PXDNL: variants seen among roughly 807,000 people sequenced by gnomAD.
PXDNL encodes the protein peroxidasin like.
Under a neutral mutation model 150.8 loss-of-function variants are expected in PXDNL, and 145 were observed. The ratio of observed to expected loss-of-function variants is 0.96; its 90% CI spans 0.84 to 1.10. The LOEUF is 1.10. PXDNL is among the 50% of genes least tolerant of loss of function. The probability of loss-of-function intolerance (pLI) is 0.00; values close to 1 mark genes in which losing one functional copy is unlikely to be tolerated. For missense variants in PXDNL, 2,087 were observed against 1,873.9 expected, an observed-to-expected ratio of 1.11 and a Z score of -2.10; for synonymous variants, 757 against 725.7, an observed-to-expected ratio of 1.04 and a Z score of -0.69.
At chr8:51,752,987 G>T (rs1266801735) in intron 1 of PXDNL, among the ~76,000 whole-genome samples, 1 of 152,230 alleles carries the variant, frequency 6.6e-6, no homozygotes, top group Non-Finnish European at 1.5e-5. Flanking sequence ...CCTGGGGAAA[G>T]GCTTCGTGGC....
intron 5 of PXDNL, among the ~76,000 whole-genome samples, chr8:51,488,274 T>C (rs1223364327): frequency 6.6e-6 from 1 of 151,938 alleles, no homozygotes; most frequent in Non-Finnish European, 1.5e-5. Context: ...ACAGATGAAA[T>C]AGGAGAGAAA....
intron 1 of PXDNL, among the ~76,000 whole-genome samples, chr8:51,663,665 A>G (rs774845257): frequency 6.6e-6 from 1 of 152,174 alleles, no homozygotes; most frequent in Non-Finnish European, 1.5e-5. Flanking sequence ...AAACCTGGAT[A>G]GAAAGTCCCT....
chr8:51,677,800 A>G (rs984137176), intron 1 of PXDNL, among the ~76,000 whole-genome samples: 2 of 152,238 alleles, frequency 1.3e-5, no homozygotes, highest in Non-Finnish European at 2.9e-5. Context: ...AAAGCACACT[A>G]ATTTATTTAT....
intron 1 of PXDNL, among the ~76,000 whole-genome samples, chr8:51,662,008 A>G (rs1161445046): frequency 5.3e-5 from 8 of 151,250 alleles, no homozygotes; most frequent in Non-Finnish European, 3.0e-5. Flanking sequence ...TTGCTCCTCA[A>G]TGAAATTCCC....
rs753248732 is a variant in PXDNL, at chr8:51,408,553, TC to T, written c.3070del (p.Asp1024ThrfsTer7). On this transcript the variant is annotated frameshift_variant, in exon 17 of 23. Coordinates refer to ENST00000356297, the MANE Select transcript of PXDNL (RefSeq NM_144651.5). LOFTEE classifies it high-confidence loss of function. ...ACCCCTCAGCATCCTAGTGCCAGGG[TC>T]CCCCAGGACCTTAGGCAGCCAGTGG... ...YSHWLPKVLG[D>X]PGTRMLRGYR... 1.1e-5 allele frequency: 17 copies of T among 1,612,984 alleles called. No homozygotes were observed. The East Asian group carries it at 2.5e-4, about 23-fold the overall frequency.
intron 17 of PXDNL, among the ~76,000 whole-genome samples, chr8:51,398,362 C>T (rs989240466): frequency 2.6e-5 from 4 of 152,140 alleles, no homozygotes; most frequent in Non-Finnish European, 5.9e-5. Flanking sequence ...TACCTTGGGG[C>T]CCCCCACAGT....
chr8:51,391,209 CGT>C (rs1807896736), intron 17 of PXDNL, among the ~76,000 whole-genome samples: 1 of 152,096 alleles, frequency 6.6e-6, no homozygotes, highest in African/African-American at 2.4e-5. Context: ...CATATGTGTG[CGT>C]GTGTCTTTAT....
rs7842263 is a variant in PXDNL, at chr8:51,369,262, G to A, written c.3901+2611C>T. Among the ~76,000 whole-genome samples, 244 of 152,208 alleles carry A rather than the reference G, an allele frequency of 1.6e-3. 1 individual carries two copies. The highest frequency in any genetic ancestry group is 5.5e-3 in the African/African-American group (227 of 41,532). ...CTTCTCAACTGCCTTACTTAACTCA[G>A]ACCATTAAAATGTATAACCTACCTG... On this transcript the variant is annotated intron_variant, in intron 19 of 22. Coordinates refer to ENST00000356297, the MANE Select transcript of PXDNL (RefSeq NM_144651.5).
In PXDNL at chr8:51,709,421, A is replaced by AT. The variant is rs573056540; in HGVS notation, c.165-54662dup. 3.1e-3 allele frequency among the ~76,000 whole-genome samples: 472 copies of AT among 151,822 alleles called. 2 individuals carry two copies. Among genetic ancestry groups the AT allele is most frequent in the African/African-American group, 0.011 (455 of 41,396 alleles). On this transcript the variant is annotated intron_variant, in intron 1 of 22. Transcript: ENST00000356297. Reference sequence around the variant, plus strand: ...AGGTGCCGGCCACCACGCCCGGCTAATTTTTTTTATTTTTAGTAGAGACAG... The same window carrying AT: ...AGGTGCCGGCCACCACGCCCGGCTAATTTTTTTTTATTTTTAGTAGAGACAG...
intron 1 of PXDNL, among the ~76,000 whole-genome samples, chr8:51,798,123 T>C (rs762757287): frequency 6.6e-6 from 1 of 152,186 alleles, no homozygotes; most frequent in Non-Finnish European, 1.5e-5. Context: ...TGGCTAGCCA[T>C]ATGCAGAAAA....
intron 20 of PXDNL, among the ~76,000 whole-genome samples, chr8:51,344,274 T>C (rs1806077875): frequency 6.6e-6 from 1 of 150,946 alleles, no homozygotes; most frequent in Non-Finnish European, 1.5e-5. Flanking sequence ...CCAGCTAATT[T>C]TTTAAATTAA....
chr8:51,737,315 T>G (rs1170044683), intron 1 of PXDNL, among the ~76,000 whole-genome samples: 1 of 152,246 alleles, frequency 6.6e-6, no homozygotes, highest in East Asian at 1.9e-4. Flanking sequence ...GCATTTTGTT[T>G]TGTTCTGCGA....
rs780860293 is a variant in PXDNL, at chr8:51,803,381, C to CA, written c.164+5799dup. ...ACTCTCATTCCCTTTGCCTACCACA[C>CA]AAAAAAACTCTCCCTGTCCTTCATA... On this transcript the variant is annotated intron_variant, in intron 1 of 22. Coordinates refer to ENST00000356297, the MANE Select transcript of PXDNL (RefSeq NM_144651.5). Among the ~76,000 whole-genome samples, 83 of 152,190 alleles carry CA rather than the reference C, an allele frequency of 5.5e-4. 1 individual carries two copies. The highest frequency in any genetic ancestry group is 2.5e-3 in the South Asian group (12 of 4,816).
chr8:51,651,134 A>AAT (rs1210004493), intron 2 of PXDNL, among the ~76,000 whole-genome samples: 1 of 152,222 alleles, frequency 6.6e-6, no homozygotes, highest in African/African-American at 2.4e-5. Context: ...ATTTAACAAT[A>AAT]ATATTAATAC....
intron 1 of PXDNL, among the ~76,000 whole-genome samples, chr8:51,663,726 A>G (rs1414636439): frequency 6.6e-6 from 1 of 152,092 alleles, no homozygotes; most frequent in African/African-American, 2.4e-5. Flanking sequence ...AGGTGTCACT[A>G]AAAGGTAGCC....
At chr8:51,354,330 A>G (rs1806441188) in intron 19 of PXDNL, among the ~76,000 whole-genome samples, 1 of 152,232 alleles carries the variant, frequency 6.6e-6, no homozygotes, top group South Asian at 2.1e-4. Flanking sequence ...TGATTATGGC[A>G]CAAACAAATG....
rs564467793 is a variant in PXDNL at position 51,409,648 on chromosome 8, T to C, written c.2063-87A>G. ...AACTCCAGATGCTGCGGGAACCACCTCCCACCCCGCCCGCCCTGAGTGAAA... is the reference window on the plus strand; with the variant it reads ...AACTCCAGATGCTGCGGGAACCACCCCCCACCCCGCCCGCCCTGAGTGAAA... On this transcript the variant is annotated intron_variant, in intron 16 of 22. Transcript: ENST00000356297. 191 of 1,129,370 alleles carry C rather than the reference T, an allele frequency of 1.7e-4. 1 individual carries two copies. The East Asian group carries it at 4.8e-3, about 28-fold the overall frequency. 70.0% of individuals were successfully genotyped at this position (1,129,370 alleles called of 1,614,324 possible).
chr8:51,610,756 A>G (rs1321034465), intron 2 of PXDNL, among the ~76,000 whole-genome samples: 3 of 152,148 alleles, frequency 2.0e-5, no homozygotes, highest in Non-Finnish European at 4.4e-5. Flanking sequence ...AGAATTCAGG[A>G]CTTTGCAGCT....
In PXDNL at chr8:51,486,161, T is replaced by C. The variant is rs369286978; in HGVS notation, c.453-2447A>G. ...TCCATGATTGAATATTGAAAGATAT[T>C]ATCTATTTTCCAATCCAAGCAGACC... is the stretch of plus-strand genomic sequence containing the variant. On this transcript the variant is annotated intron_variant, in intron 5 of 22. Transcript: ENST00000356297. Among the ~76,000 whole-genome samples, 49 of 152,296 alleles carry C rather than the reference T, an allele frequency of 3.2e-4. 1 individual carries two copies. In the East Asian group the frequency reaches 8.5e-3, roughly 26 times the overall value.
Sources: allele counts gnomAD v4.1 joint callset (sites outside exome capture counted in the v4.1 genomes callset), GRCh38; gene constraint gnomAD v4.1.1; transcripts MANE v1.5; gene names NCBI Gene and HGNC (gene_info 2026-07-23, HGNC 2026-07-21).